XKR9: variants seen among roughly 807,000 people sequenced by gnomAD.
XKR9 encodes the protein XK-related protein 9.
In XKR9, 32 loss-of-function variants were observed where a neutral mutation model predicts 32.0. The ratio of observed to expected loss-of-function variants is 1.00; its 90% confidence interval spans 0.76 to 1.34. The LOEUF (loss-of-function observed/expected upper bound fraction) is 1.34, where lower values mean the gene tolerates loss of function less well. Among genes scored for constraint, XKR9 ranks in the 40% most tolerant of loss-of-function variants. XKR9 has a pLI of 0.00. For synonymous variants in XKR9, 168 were observed against 143.4 expected, an observed-to-expected ratio of 1.17 and a Z score of -1.22; for missense variants, 546 against 429.7, an observed-to-expected ratio of 1.27 and a Z score of -2.39.
the XKR9 span, among the ~76,000 whole-genome samples, chr8:71,016,318 A>G: frequency 6.6e-6 from 1 of 152,084 alleles, no homozygotes; most frequent in African/African-American, 2.4e-5. Flanking sequence ...AGCAGTGTGT[A>G]TGTTTGGCCT....
At chr8:70,863,091 C>T in the XKR9 span, among the ~76,000 whole-genome samples, 4 of 151,990 alleles carry the variant, frequency 2.6e-5, no homozygotes, top group East Asian at 3.9e-4. Context: ...AACTGTTGAG[C>T]GAGGTAGGAG....
the XKR9 span, among the ~76,000 whole-genome samples, chr8:70,858,412 G>A: frequency 1.3e-3 from 201 of 152,050 alleles, no homozygotes; most frequent in Admixed American, 2.2e-3. Flanking sequence ...CTTACAAGAG[G>A]TGTGAAGGAT....
At chr8:70,703,019 A>T (rs1805593363) in intron 3 of XKR9, among the ~76,000 whole-genome samples, 1 of 151,940 alleles carries the variant, frequency 6.6e-6, no homozygotes, top group African/African-American at 2.4e-5. Context: ...CTTTCTTTTT[A>T]CATTTGATTT....
chr8:70,882,030 A>C, the XKR9 span, among the ~76,000 whole-genome samples: 11,042 of 151,972 alleles, frequency 0.073, 470 homozygotes, highest in Non-Finnish European at 0.089. Flanking sequence ...ACCAAACACC[A>C]CATGTTCTCA....
At chr8:71,063,060 C>T in the XKR9 span, among the ~76,000 whole-genome samples, 1 of 152,106 alleles carries the variant, frequency 6.6e-6, no homozygotes, top group Non-Finnish European at 1.5e-5. Context: ...GTCTTCTTTC[C>T]TGTAACTTGG....
At chr8:70,826,346 C>T in the XKR9 span, among the ~76,000 whole-genome samples, 11 of 152,226 alleles carry the variant, frequency 7.2e-5, no homozygotes, top group East Asian at 2.1e-3. Context: ...TTAGCAAAAA[C>T]AAACATTGAC....
At chr8:70,855,920 C>G in the XKR9 span, among the ~76,000 whole-genome samples, 1 of 152,080 alleles carries the variant, frequency 6.6e-6, no homozygotes, top group African/African-American at 2.4e-5. Context: ...TATAGACAAA[C>G]AAATGCTGAG....
chr8:71,013,613 A>T, the XKR9 span, among the ~76,000 whole-genome samples: 1 of 152,196 alleles, frequency 6.6e-6, no homozygotes, highest in Non-Finnish European at 1.5e-5. Flanking sequence ...TTGGCAGAAG[A>T]TGGCAGAATG....
the XKR9 span, among the ~76,000 whole-genome samples, chr8:71,027,691 A>G: frequency 6.6e-6 from 1 of 151,458 alleles, no homozygotes; most frequent in South Asian, 2.1e-4. Flanking sequence ...CTTTTGTTCA[A>G]AATTGTTTTG....
intron 2 of XKR9, among the ~76,000 whole-genome samples, chr8:70,763,804 C>A (rs1219237374): frequency 6.6e-6 from 1 of 152,212 alleles, no homozygotes; most frequent in Non-Finnish European, 1.5e-5. Flanking sequence ...AACTTATACC[C>A]TGGCCTTGTT....
intron 3 of XKR9, among the ~76,000 whole-genome samples, chr8:70,701,360 T>C (rs2132162681): frequency 6.6e-6 from 1 of 152,306 alleles, no homozygotes. Context: ...CTTGTTTTTC[T>C]TTGTTCTCTG....
chr8:70,974,119 A>AT, the XKR9 span, among the ~76,000 whole-genome samples: 9 of 151,504 alleles, frequency 5.9e-5, no homozygotes, highest in Non-Finnish European at 1.3e-4. Context: ...TCTAGTAGTA[A>AT]TTTTTTTTAT....
intron 2 of XKR9, among the ~76,000 whole-genome samples, chr8:70,767,496 CTTTTTTTTTT>C (rs34400671): frequency 1.0e-5 from 1 of 99,350 alleles, no homozygotes; most frequent in Non-Finnish European, 1.9e-5. Context: ...TCTTTTCCTT[CTTTTTTTTTT>C]TTTTTTTTTT....
the XKR9 span, among the ~76,000 whole-genome samples, chr8:70,960,473 A>G: frequency 1.3e-5 from 2 of 152,186 alleles, no homozygotes; most frequent in South Asian, 2.1e-4. Flanking sequence ...TACTTGTCCA[A>G]TGGGAGCCAT....
chr8:70,990,992 T>A, the XKR9 span, among the ~76,000 whole-genome samples: 1 of 152,220 alleles, frequency 6.6e-6, no homozygotes, highest in African/African-American at 2.4e-5. Flanking sequence ...TTCTTCCAAG[T>A]CCATATTGAT....
the XKR9 span, among the ~76,000 whole-genome samples, chr8:70,984,628 C>T: frequency 6.6e-6 from 1 of 152,140 alleles, no homozygotes. Context: ...AAAGGTAAAA[C>T]AAAATCTCTA....
the XKR9 span, among the ~76,000 whole-genome samples, chr8:70,859,754 C>G: frequency 6.6e-6 from 1 of 152,064 alleles, no homozygotes. Context: ...ACAAATATCA[C>G]ATATTCTTGA....
chr8:70,909,777 C>T, the XKR9 span, among the ~76,000 whole-genome samples: 4 of 138,878 alleles, frequency 2.9e-5, no homozygotes, highest in Non-Finnish European at 6.1e-5. Context: ...GGCATGATCT[C>T]AGCTCGCTGC....
chr8:70,709,747 G>A (rs1460935497), intron 4 of XKR9, among the ~76,000 whole-genome samples: 1 of 152,148 alleles, frequency 6.6e-6, no homozygotes, highest in Non-Finnish European at 1.5e-5. Context: ...CAGCCAGGGA[G>A]GTGAAAGATC....
Sources: allele counts gnomAD v4.1 joint callset (sites outside exome capture counted in the v4.1 genomes callset), GRCh38; gene constraint gnomAD v4.1.1; transcripts MANE v1.5; gene names NCBI Gene and HGNC (gene_info 2026-07-23, HGNC 2026-07-21).